GLCCI1: variants seen among roughly 807,000 people sequenced by gnomAD.
The protein encoded by GLCCI1 is glucocorticoid-induced transcript 1 protein.
GLCCI1 carries 24 observed loss-of-function variants against 52.2 expected under a neutral mutation model. The ratio of observed to expected loss-of-function variants is 0.46; its 90% CI spans 0.33 to 0.65. The LOEUF is 0.65. GLCCI1 is among the 30% of genes least tolerant of loss of function. The probability of loss-of-function intolerance (pLI) is 0.02; values close to 1 mark genes in which losing one functional copy is unlikely to be tolerated. For synonymous variants in GLCCI1, 310 were observed against 276.5 expected, an observed-to-expected ratio of 1.12 and a Z score of -1.20; for missense variants, 704 against 701.5, an observed-to-expected ratio of 1.00 and a Z score of -0.04.
chr7:8,086,528 T>C lies in GLCCI1; in HGVS notation c.1634T>C (p.Val545Ala), dbSNP rs2127970658. 1 of 1,582,890 alleles carries C rather than the reference T, an allele frequency of 6.3e-7. No homozygotes were observed. The highest frequency in any genetic ancestry group is 2.2e-5 in the East Asian group (1 of 44,604). The change falls in exon 8 of 8, where the codon GTG becomes GCG. Residue 545 changes from valine (V) to alanine (A), a missense_variant. Val to Ala is a moderately conservative substitution (Grantham distance 64, BLOSUM62 0). This residue lies in a region of GLCCI1 where 149 missense variants were observed against 152.9 expected (regional missense o/e 0.97). Coordinates refer to ENST00000223145, the MANE Select transcript of GLCCI1 (RefSeq NM_138426.4). The surrounding 1 kb of genome is among the most constrained non-coding windows in gnomAD (Gnocchi z 4.4). ...GACCACATCTCTGCTCAGAACTATG[T>C]GATCATCTAAAAAAGGGGGAGCTGG... ...GEDHISAQNY[V>A]II
At chr7:7,972,173 G>C (rs1780367114) in intron 1 of GLCCI1, among the ~76,000 whole-genome samples, 1 of 152,172 alleles carries the variant, frequency 6.6e-6, no homozygotes, top group Non-Finnish European at 1.5e-5. Flanking sequence ...TCTGACTTGA[G>C]TGGATTTTAG....
chr7:7,972,507 T>G (rs1273200628), intron 1 of GLCCI1, among the ~76,000 whole-genome samples: 3 of 152,234 alleles, frequency 2.0e-5, no homozygotes, highest in African/African-American at 7.2e-5. Context: ...ATTCAGTGTT[T>G]CATGCATTTC....
At chr7:8,053,873 T>C (rs1438489920) in intron 3 of GLCCI1, among the ~76,000 whole-genome samples, 1 of 152,188 alleles carries the variant, frequency 6.6e-6, no homozygotes, top group Non-Finnish European at 1.5e-5. Context: ...TATAGGATTA[T>C]ATTATTTAGG....
rs1032928284 is a variant in GLCCI1 at position 8,087,972 on chromosome 7, A to G, written c.*1434A>G. On this transcript the variant is annotated 3_prime_UTR_variant, in exon 8 of 8. Transcript: ENST00000223145. ...ACTTTCATTGTTTTCTTCAGTACAA[A>G]GAGTATCCAAAAGCTAAGTTTTTGT... 6.6e-6 allele frequency: 1 copy of G among 152,412 alleles called. No individual in the cohort carries two copies. The highest frequency in any genetic ancestry group is 6.5e-5 in the Admixed American group (1 of 15,282). The allele number at this position is 152,412 out of a possible 1,614,324, so 9.4% of individuals were successfully genotyped here.
intron 1 of GLCCI1, among the ~76,000 whole-genome samples, chr7:7,999,468 T>C (rs1781008540): frequency 6.6e-6 from 1 of 151,944 alleles, no homozygotes; most frequent in South Asian, 2.1e-4. Context: ...ATTAGCCAGA[T>C]GTGGTGGTGC....
chr7:7,969,372 TCCTCCTCCA>T lies in GLCCI1; in HGVS notation c.23_31del (p.Ser8_Ser11delinsCys), dbSNP rs1250148269. ...CACCATGTCCACTGCCTCCTCCTCC[TCCTCCTCCA>T]GTTCCTCTCAGACCCCTCATCCCCC... On this transcript the variant is annotated inframe_deletion, in exon 1 of 8. Coordinates refer to ENST00000223145, the MANE Select transcript of GLCCI1 (RefSeq NM_138426.4). The surrounding 1 kb of genome is among the most constrained non-coding windows in gnomAD (Gnocchi z 4.9). 6.8e-7 allele frequency: 1 copy of T among 1,478,386 alleles called. No individual in the cohort carries two copies. The highest frequency in any genetic ancestry group is 9.0e-7 in the Non-Finnish European group (1 of 1,115,072). 91.6% of individuals were successfully genotyped at this position (1,478,386 alleles called of 1,614,324 possible).
At chr7:8,020,986 C>T (rs1209503342) in intron 2 of GLCCI1, among the ~76,000 whole-genome samples, 14 of 152,074 alleles carry the variant, frequency 9.2e-5, no homozygotes. Context: ...ATATTGATAC[C>T]TCTTATCCGT....
At chr7:8,070,709 T>G in intron 5 of GLCCI1, 1 of 519,520 alleles carries the variant, frequency 1.9e-6, no homozygotes, top group Non-Finnish European at 3.5e-6. Context: ...ATGGAATTTT[T>G]AAGGCAAACA....
Position 8,025,077 on chromosome 7 carries a change from T to C in GLCCI1, c.696+2508T>C, listed in dbSNP as rs572762832. Among the ~76,000 whole-genome samples, 5 of 152,320 alleles carry C rather than the reference T, an allele frequency of 3.3e-5. No homozygotes were observed. In the East Asian group the frequency reaches 5.8e-4, roughly 18 times the overall value. On this transcript the variant is annotated intron_variant, in intron 3 of 7. Transcript: ENST00000223145. ...AGGCTCATGAACTAGTTGAGTTTAA[T>C]AGAAAGTTTTGAGAGGTAAGACAGT...
chr7:7,994,010 G>C (rs907141890), intron 1 of GLCCI1, among the ~76,000 whole-genome samples: 1 of 152,106 alleles, frequency 6.6e-6, no homozygotes, highest in Non-Finnish European at 1.5e-5. Flanking sequence ...TCTTTTGTTT[G>C]GCTATTGTCT....
At chr7:7,971,721 A>G (rs1583934280) in intron 1 of GLCCI1, among the ~76,000 whole-genome samples, 1 of 152,244 alleles carries the variant, frequency 6.6e-6, no homozygotes, top group African/African-American at 2.4e-5. Context: ...CAGTTTTAAT[A>G]AAATTTGTGA....
rs148985382 is a variant in GLCCI1 at position 7,999,567 on chromosome 7, G to A, written c.458-4341G>A. ...GGCTGCAGTGAGCTACGATCACGCC[G>A]GTACACTCCAGCCTGGGCAGGTGAC... is the stretch of plus-strand genomic sequence containing the variant. On this transcript the variant is annotated intron_variant, in intron 1 of 7. Transcript: ENST00000223145. Among the ~76,000 whole-genome samples, 334 of 151,060 alleles carry A rather than the reference G, an allele frequency of 2.2e-3. 2 individuals are homozygous for A. The highest frequency in any genetic ancestry group is 7.7e-3 in the African/African-American group (316 of 41,096).
At chr7:8,066,944 T>C (rs1334673734) in intron 5 of GLCCI1, among the ~76,000 whole-genome samples, 1 of 152,190 alleles carries the variant, frequency 6.6e-6, no homozygotes, top group Non-Finnish European at 1.5e-5. Context: ...TCCATTAATT[T>C]TCTACCTCAG....
At chr7:8,052,438 G>A (rs1210850270) in intron 3 of GLCCI1, among the ~76,000 whole-genome samples, 2 of 152,150 alleles carry the variant, frequency 1.3e-5, no homozygotes, top group African/African-American at 4.8e-5. Flanking sequence ...AGTTGGTTAT[G>A]GCTTAAAAGT....
At chr7:8,004,945 G>A (rs1464036852) in intron 2 of GLCCI1, among the ~76,000 whole-genome samples, 1 of 152,176 alleles carries the variant, frequency 6.6e-6, no homozygotes, top group Non-Finnish European at 1.5e-5. Context: ...TGCTTCTCAG[G>A]TTTTGTCATT....
chr7:8,071,433 G>A (rs111857037), intron 6 of GLCCI1, among the ~76,000 whole-genome samples: 6 of 152,172 alleles, frequency 3.9e-5, no homozygotes, highest in East Asian at 3.9e-4. Flanking sequence ...TGTCCAGAGC[G>A]GATGATGGTT....
chr7:8,071,893 G>GT (rs1782769971), intron 6 of GLCCI1, among the ~76,000 whole-genome samples: 1 of 152,144 alleles, frequency 6.6e-6, no homozygotes. Flanking sequence ...CAACAAAATT[G>GT]TAAAACTATA....
At chr7:8,015,987 A>G (rs1258746161) in intron 2 of GLCCI1, among the ~76,000 whole-genome samples, 1 of 152,184 alleles carries the variant, frequency 6.6e-6, no homozygotes, top group African/African-American at 2.4e-5. Flanking sequence ...AAATTGTGAA[A>G]TAGGTTGTAT....
Position 8,086,082 on chromosome 7 carries a change from A to T in GLCCI1, c.1299-111A>T. On this transcript the variant is annotated intron_variant, in intron 7 of 7. Coordinates refer to ENST00000223145, the MANE Select transcript of GLCCI1 (RefSeq NM_138426.4). This position sits in a 1 kb window ranked among gnomAD's most constrained non-coding sequence, Gnocchi z 4.4. Reference sequence around the variant, plus strand: ...TTACCCCTCTGTATACACTTAACCCATCTCCTGCCATTTACATTTTAGCTG... The same window carrying T: ...TTACCCCTCTGTATACACTTAACCCTTCTCCTGCCATTTACATTTTAGCTG... 3 of 892,760 alleles carry T rather than the reference A, an allele frequency of 3.4e-6. No individual in the cohort carries two copies. The highest frequency in any genetic ancestry group is 5.2e-6 in the Non-Finnish European group (3 of 579,852). The allele number at this position is 892,760 out of a possible 1,614,324, so 55.3% of individuals were successfully genotyped here.
Sources: allele counts gnomAD v4.1 joint callset (sites outside exome capture counted in the v4.1 genomes callset), GRCh38; gene constraint gnomAD v4.1.1; regional missense constraint gnomAD v4.1.1; non-coding constraint Gnocchi (gnomAD v3.1); transcripts MANE v1.5; gene names NCBI Gene and HGNC (gene_info 2026-07-23, HGNC 2026-07-21).